MCTP1: variants seen among roughly 807,000 people sequenced by gnomAD.
MCTP1 encodes multiple C2 and transmembrane domain containing 1.
MCTP1 carries 69 observed loss-of-function variants against 120.6 expected under a neutral mutation model. The observed-to-expected ratio is 0.57, with a 90% CI of 0.47 to 0.70. The LOEUF is 0.70. Among genes scored for constraint, MCTP1 ranks in the 30% least tolerant of loss-of-function variants. The pLI is 0.00. For synonymous variants in MCTP1, 529 were observed against 493.1 expected (o/e 1.07, Z -0.96); for missense variants, 1,203 against 1,248.8 (o/e 0.96, Z 0.55).
chr5:95,284,233 C>T lies in MCTP1; in HGVS notation c.343G>A (p.Ala115Thr), dbSNP rs771965681. The part of the protein sequence containing the change: ...EPLEPGGAGR[A>T]EQGSTLRRRI... The stretch of plus-strand genomic sequence containing the variant: ...CGGCGTAGCGTGGACCCCTGCTCGG[C>T]TCTGCCGGCGCCGCCGGGCTCCAGG... Residue 115 changes from alanine (A) to threonine (T), a missense_variant, in exon 1 of 23, where the codon GCC becomes ACC. This residue lies in a region of MCTP1 where 463 missense variants were observed against 377.8 expected (regional missense o/e 1.23). Transcript: ENST00000515393. The surrounding 1 kb of genome is among the most constrained non-coding windows in gnomAD (Gnocchi z 5.2). The T allele has an allele frequency of 5.7e-6, 9 of 1,584,998 alleles. No homozygotes were observed. Among genetic ancestry groups the T allele is most frequent in the South Asian group, 5.7e-5 (5 of 88,406 alleles).
intron 17 of MCTP1, among the ~76,000 whole-genome samples, chr5:94,809,844 C>G (rs148677741): frequency 1.3e-3 from 204 of 152,204 alleles, no homozygotes; most frequent in African/African-American, 4.4e-3. Context: ...TGAAGCTTGC[C>G]TTTCTCTAGT....
intron 17 of MCTP1, chr5:94,868,089 G>A (rs964986088): frequency 1.2e-5 from 4 of 321,020 alleles, no homozygotes; most frequent in Non-Finnish European, 2.2e-5. Flanking sequence ...CTGTCACAGA[G>A]AAAATGATAC....
At position 94,952,670 on chromosome 5, in the gene MCTP1, T is replaced by C. The variant is rs147398098; in HGVS notation, c.981+549A>G. ...AAGGAATAGGGCTCAGAATAGGAACTAGGTTGTAACTCCTCAAGTTCTTCT... is the reference window on the plus strand; with the variant it reads ...AAGGAATAGGGCTCAGAATAGGAACCAGGTTGTAACTCCTCAAGTTCTTCT... On this transcript the variant is annotated intron_variant, in intron 3 of 22. Coordinates refer to ENST00000515393, the MANE Select transcript of MCTP1 (RefSeq NM_024717.7). Among the ~76,000 whole-genome samples the C allele has an allele frequency of 2.0e-5, 3 of 152,300 alleles. No homozygotes were observed. In the East Asian group the frequency reaches 5.8e-4, roughly 29 times the overall value.
chr5:95,179,591 A>C (rs2152512006), intron 1 of MCTP1, among the ~76,000 whole-genome samples: 1 of 152,340 alleles, frequency 6.6e-6, no homozygotes, highest in South Asian at 2.1e-4. Flanking sequence ...TTCATAAATG[A>C]AGGAAAGATA....
chr5:94,888,236 C>T (rs144879397), intron 12 of MCTP1, among the ~76,000 whole-genome samples: 2 of 152,180 alleles, frequency 1.3e-5, no homozygotes, highest in East Asian at 1.9e-4. Flanking sequence ...GAATAATTGC[C>T]ATCAGCCTGT....
chr5:94,740,406 A>AT (rs1473568757), intron 19 of MCTP1, among the ~76,000 whole-genome samples: 2 of 152,148 alleles, frequency 1.3e-5, no homozygotes, highest in East Asian at 1.9e-4. Context: ...TTAAATGCAA[A>AT]TTTTTTTTAG....
chr5:94,885,625 C>G (rs1313346983), intron 12 of MCTP1, among the ~76,000 whole-genome samples: 3 of 140,030 alleles, frequency 2.1e-5, no homozygotes, highest in Non-Finnish European at 3.1e-5. Flanking sequence ...GGCCTTTCCT[C>G]ACAACGTGTA....
In MCTP1 at chr5:94,888,906, C is replaced by G; in HGVS notation, c.1906G>C (p.Glu636Gln). 2 of 1,613,818 alleles carry G rather than the reference C, an allele frequency of 1.2e-6. No individual in the cohort carries two copies. Among genetic ancestry groups the G allele is most frequent in the Non-Finnish European group, 1.7e-6 (2 of 1,179,752 alleles). The change falls in exon 12 of 23, where the codon GAA (glutamate) becomes CAA (glutamine). Residue 636 changes from glutamate to glutamine, a missense_variant. Coordinates refer to ENST00000515393, the MANE Select transcript of MCTP1 (RefSeq NM_024717.7). Reference sequence around the variant, plus strand: ...GTGACGTCGGCAGCCATTAACCCTTCCGCTCTGATGACTTTCACCTGGAGA... The same window carrying G: ...GTGACGTCGGCAGCCATTAACCCTTGCGCTCTGATGACTTTCACCTGGAGA... ...GFLQVKVIRA[E>Q]GLMAADVTGK...
chr5:94,920,038 A>C (rs1395094511), intron 7 of MCTP1, among the ~76,000 whole-genome samples: 1 of 152,214 alleles, frequency 6.6e-6, no homozygotes, highest in Non-Finnish European at 1.5e-5. Flanking sequence ...TCTTGATACA[A>C]TTTATGGTGC....
chr5:95,169,779 T>C (rs1036354921), intron 1 of MCTP1, among the ~76,000 whole-genome samples: 5 of 152,202 alleles, frequency 3.3e-5, no homozygotes, highest in African/African-American at 1.2e-4. Context: ...ATTTGATTCT[T>C]CTGTCTTCTC....
At chr5:94,840,529 T>C (rs1411515444) in intron 17 of MCTP1, among the ~76,000 whole-genome samples, 1 of 152,222 alleles carries the variant, frequency 6.6e-6, no homozygotes, top group East Asian at 1.9e-4. Flanking sequence ...CCTCTGCTGC[T>C]CTAGATGTTT....
At chr5:95,243,418 A>G (rs185927071) in intron 1 of MCTP1, among the ~76,000 whole-genome samples, 4 of 152,284 alleles carry the variant, frequency 2.6e-5, no homozygotes, top group Non-Finnish European at 4.4e-5. Context: ...AGCACTCTGA[A>G]AAGAGTCATC....
rs56080673 is a variant in MCTP1 at position 95,257,796 on chromosome 5, T to TACACACATACACACACACACACACACAC, written c.720+26059_720+26060insGTGTGTGTGTGTGTGTGTGTATGTGTGT. 2.0e-3 allele frequency among the ~76,000 whole-genome samples: 247 copies of TACACACATACACACACACACACACACAC among 125,392 alleles called. 3 individuals carry two copies. The highest frequency in any genetic ancestry group is 6.2e-3 in the African/African-American group (196 of 31,462). 82.3% of individuals were successfully genotyped at this position (125,392 alleles called of 152,430 possible). On this transcript the variant is annotated intron_variant, in intron 1 of 22. Coordinates refer to ENST00000515393, the MANE Select transcript of MCTP1 (RefSeq NM_024717.7). Reference sequence around the variant, plus strand: ...AAGGAAGGAAGTGCTCCAGAAAACATACACACACACACACACACACACACA... The same window carrying TACACACATACACACACACACACACACAC: ...AAGGAAGGAAGTGCTCCAGAAAACATACACACATACACACACACACACACACACACACACACACACACACACACACACA...
intron 19 of MCTP1, among the ~76,000 whole-genome samples, chr5:94,766,594 G>A (rs1772788200): frequency 6.6e-6 from 1 of 151,794 alleles, no homozygotes; most frequent in Non-Finnish European, 1.5e-5. Context: ...AACGGATGCA[G>A]CACACCAACA....
chr5:95,109,496 T>G (rs960644729), intron 1 of MCTP1, among the ~76,000 whole-genome samples: 7 of 152,154 alleles, frequency 4.6e-5, no homozygotes, highest in African/African-American at 1.7e-4. Flanking sequence ...TATTGAACTC[T>G]TTAGAATATG....
chr5:94,870,980 G>A lies in MCTP1; in HGVS notation c.2140-7C>T, dbSNP rs1180426383. ...TCTGTTCACCATTTTGAATCTGCGGGAAAAGGACATGACAGCCGTCTGTCT... is the reference window on the plus strand; with the variant it reads ...TCTGTTCACCATTTTGAATCTGCGGAAAAAGGACATGACAGCCGTCTGTCT... On this transcript the variant is annotated splice_polypyrimidine_tract_variant and splice_region_variant and intron_variant, in intron 14 of 22. Coordinates refer to ENST00000515393, the MANE Select transcript of MCTP1 (RefSeq NM_024717.7). 20 of 1,610,492 alleles carry A rather than the reference G, an allele frequency of 1.2e-5. No individual in the cohort carries two copies. Among genetic ancestry groups the A allele is most frequent in the Non-Finnish European group, 1.7e-5 (20 of 1,177,182 alleles).
At chr5:95,052,055 T>A (rs894905174) in intron 1 of MCTP1, among the ~76,000 whole-genome samples, 1 of 152,086 alleles carries the variant, frequency 6.6e-6, no homozygotes, top group African/African-American at 2.4e-5. Flanking sequence ...AAAAAAAGAA[T>A]ACAAAATGAG....
At chr5:94,943,007 G>T (rs139908238) in intron 3 of MCTP1, among the ~76,000 whole-genome samples, 9 of 152,022 alleles carry the variant, frequency 5.9e-5, no homozygotes, top group African/African-American at 1.9e-4. Context: ...GAGATAATGC[G>T]TTTCTTCCTT....
At chr5:95,084,885 C>T (rs1755310228) in intron 1 of MCTP1, among the ~76,000 whole-genome samples, 2 of 152,058 alleles carry the variant, frequency 1.3e-5, no homozygotes. Context: ...GTTTCAACCC[C>T]TTTTTAAAAA....
Sources: gnomAD v4.1 joint callset for allele counts (sites outside exome capture counted in the v4.1 genomes callset) on GRCh38, gnomAD v4.1.1 for gene constraint, gnomAD v4.1.1 regional missense constraint, Gnocchi (gnomAD v3.1) non-coding constraint, MANE v1.5 for transcripts, NCBI Gene and HGNC (gene_info 2026-07-23, HGNC 2026-07-21) for gene names.